C3orf33: variants seen among roughly 807,000 people sequenced by gnomAD.
C3orf33 encodes mitochondrial inner membrane subdomain organizer 1.
A neutral mutation model predicts 28.7 loss-of-function variants in C3orf33; 23 were observed. The ratio of observed to expected loss-of-function variants is 0.80; its 90% confidence interval spans 0.58 to 1.13. C3orf33 has a LOEUF of 1.13. Ranked by LOEUF, C3orf33 falls within the 50% of genes most tolerant of loss-of-function variation. The pLI, the probability that C3orf33 is intolerant of heterozygous loss-of-function variation, is 0.00. For missense variants in C3orf33, 327 were observed against 353.4 expected (o/e 0.93, Z 0.60); for synonymous variants, 119 against 120.5 (o/e 0.99, Z 0.08).
chr3:155,788,631 G>A (rs116547768), intron 2 of C3orf33, among the ~76,000 whole-genome samples: 2,486 of 149,514 alleles, frequency 0.017, 49 homozygotes, highest in African/African-American at 0.059. Flanking sequence ...GCAGTGAGCC[G>A]AAATCGCAGC....
rs200327612 is a variant in C3orf33, at chr3:155,763,530, C to T, written c.872G>A (p.Arg291His). 94 of 1,505,100 alleles carry T rather than the reference C, an allele frequency of 6.2e-5. No homozygotes were observed. Among genetic ancestry groups the T allele is most frequent in the South Asian group, 2.0e-4 (14 of 70,348 alleles). 93.2% of individuals were successfully genotyped at this position (1,505,100 alleles called of 1,614,324 possible). The change falls in exon 5 of 5, where the codon CGT becomes CAT. Residue 291 changes from arginine (R) to histidine (H), a missense_variant. Arg to His is a conservative substitution (Grantham distance 29). Coordinates refer to ENST00000340171, the MANE Select transcript of C3orf33 (RefSeq NM_001308229.2). Reference sequence around the variant, plus strand: ...TTCTTGACCGTTTCACCCTTTTCTACGAAAGTTTATGCGACTTATAAGTTC... The same window carrying T: ...TTCTTGACCGTTTCACCCTTTTCTATGAAAGTTTATGCGACTTATAAGTTC... ...FRELISRINF[R>H]RKG
intron 2 of C3orf33, among the ~76,000 whole-genome samples, chr3:155,790,919 C>T (rs150488584): frequency 2.4e-4 from 36 of 152,256 alleles, no homozygotes; most frequent in African/African-American, 7.9e-4. Context: ...CTAGGCAAAT[C>T]CTGGTGCCGT....
At chr3:155,776,599 C>A (rs1230954458) in intron 2 of C3orf33, among the ~76,000 whole-genome samples, 2 of 151,466 alleles carry the variant, frequency 1.3e-5, no homozygotes, top group African/African-American at 4.9e-5. Context: ...GCCTGGGCAA[C>A]AATAGCAAGA....
At chr3:155,773,847 T>G (rs747318290) in intron 3 of C3orf33, among the ~76,000 whole-genome samples, 3 of 152,232 alleles carry the variant, frequency 2.0e-5, no homozygotes, top group Non-Finnish European at 4.4e-5. Context: ...ACCTGTGAAG[T>G]GTAAATCCTG....
intron 2 of C3orf33, among the ~76,000 whole-genome samples, chr3:155,794,922 A>G (rs2109276966): frequency 6.6e-6 from 1 of 152,346 alleles, no homozygotes; most frequent in South Asian, 2.1e-4. Context: ...AATTAATATT[A>G]GAGCTAGAGC....
At position 155,775,765 on chromosome 3, in the gene C3orf33, T is replaced by C. The variant is rs772926722; in HGVS notation, c.258A>G (p.Ile86Met). 1.9e-6 allele frequency: 3 copies of C among 1,592,766 alleles called. No individual in the cohort carries two copies. The African/African-American group carries it at 4.0e-5, about 21-fold the overall frequency. ...NVKLRGRLRR[I>M]TENGLEIEHI... ...GTTCAATTTCTAAACCATTCTCAGT[T>C]ATTCGGCGTAATCGTCCACGTAGTT... is the stretch of plus-strand genomic sequence containing the variant. The change falls in exon 3 of 5, where the codon ATA becomes ATG. Residue 86 changes from isoleucine (I) to methionine (M), a missense_variant. Ile to Met is a conservative substitution (Grantham distance 10). Coordinates refer to ENST00000340171, the MANE Select transcript of C3orf33 (RefSeq NM_001308229.2).
At chr3:155,764,752 A>C (rs2109247669) in intron 4 of C3orf33, among the ~76,000 whole-genome samples, 1 of 152,142 alleles carries the variant, frequency 6.6e-6, no homozygotes, top group Non-Finnish European at 1.5e-5. Flanking sequence ...GCCACTCAGA[A>C]GGCTGAGGCA....
intron 2 of C3orf33, among the ~76,000 whole-genome samples, chr3:155,790,163 CAAAAAAAAAAAA>C (rs35285462): frequency 2.8e-4 from 11 of 38,692 alleles, no homozygotes; most frequent in South Asian, 1.3e-3. Flanking sequence ...AACTCTGTCT[CAAAAAAAAAAAA>C]AAAAAAAAAA....
At chr3:155,800,045 A>G (rs2109281501) in intron 2 of C3orf33, among the ~76,000 whole-genome samples, 1 of 152,304 alleles carries the variant, frequency 6.6e-6, no homozygotes, top group Admixed American at 6.5e-5. Flanking sequence ...AATTTATTGT[A>G]CATTTTAAAA....
At position 155,806,241 on chromosome 3, in the gene C3orf33, C is replaced by A; in HGVS notation, c.12G>T (p.Gln4His). MAG[Q>H]PAATGSPSAD... The stretch of plus-strand genomic sequence containing the variant: ...CAGACGGCGAGCCGGTGGCCGCGGG[C>A]TGCCCCGCCATGTTCCCGGCCTCCT... Residue 4 changes from glutamine (Q) to histidine (H), a missense_variant, in exon 1 of 5, where the codon CAG becomes CAT. Coordinates refer to ENST00000340171, the MANE Select transcript of C3orf33 (RefSeq NM_001308229.2). 1.4e-6 allele frequency: 2 copies of A among 1,461,102 alleles called. No individual in the cohort carries two copies. The highest frequency in any genetic ancestry group is 2.1e-5 in the Admixed American group (1 of 47,296). The allele number at this position is 1,461,102 out of a possible 1,614,324, so 90.5% of individuals were successfully genotyped here. A position where few individuals can be genotyped will look rare whatever the true frequency, so the allele number is the denominator to read the frequency against.
rs1169598283 is a variant in C3orf33, at chr3:155,767,677, G to A, written c.323-8C>T. The A allele has an allele frequency of 4.0e-6, 6 of 1,505,090 alleles. No homozygotes were observed. Among genetic ancestry groups the A allele is most frequent in the Non-Finnish European group, 4.5e-6 (5 of 1,116,880 alleles). 93.2% of individuals were successfully genotyped at this position (1,505,090 alleles called of 1,614,324 possible). On this transcript the variant is annotated splice_region_variant and splice_polypyrimidine_tract_variant and intron_variant, in intron 3 of 4. Coordinates refer to ENST00000340171, the MANE Select transcript of C3orf33 (RefSeq NM_001308229.2). ...AAGCACCACGTGGCTCTTCTAAAAA[G>A]GTTAGGTAGAAAAGAGTTTAGCTTT...
intron 2 of C3orf33, among the ~76,000 whole-genome samples, chr3:155,797,727 T>C (rs1355010997): frequency 6.6e-6 from 1 of 152,154 alleles, no homozygotes; most frequent in African/African-American, 2.4e-5. Flanking sequence ...TAAAATTAAA[T>C]ACCTAGGAAT....
intron 2 of C3orf33, among the ~76,000 whole-genome samples, chr3:155,785,184 TATAA>T (rs1464270900): frequency 6.6e-6 from 1 of 151,970 alleles, no homozygotes; most frequent in African/African-American, 2.4e-5. Flanking sequence ...CCATAATAAT[TATAA>T]ATATTTATGT....
chr3:155,773,386 A>G (rs899902117), intron 3 of C3orf33, among the ~76,000 whole-genome samples: 8 of 152,222 alleles, frequency 5.3e-5, no homozygotes, highest in Admixed American at 2.0e-4. Flanking sequence ...TAAGACATTT[A>G]ACATCTGTTT....
intron 3 of C3orf33, among the ~76,000 whole-genome samples, chr3:155,769,052 C>T (rs931988297): frequency 6.6e-6 from 1 of 152,170 alleles, no homozygotes; most frequent in African/African-American, 2.4e-5. Context: ...GTGGCTCACA[C>T]CTGTAATCCC....
At position 155,802,507 on chromosome 3, in the gene C3orf33, A is replaced by G; in HGVS notation, c.174+25T>C. The G allele has an allele frequency of 1.9e-6, 3 of 1,575,048 alleles. No homozygotes were observed. In the Admixed American group the frequency reaches 5.2e-5, roughly 27 times the overall value. ...AATAAACTACCTACGGCTTGTTGTA[A>G]TGTCTTTTTCATTTTTTAACTTACC... is the stretch of plus-strand genomic sequence containing the variant. On this transcript the variant is annotated intron_variant, in intron 2 of 4. Coordinates refer to ENST00000340171, the MANE Select transcript of C3orf33 (RefSeq NM_001308229.2).
rs150046353 is a variant in C3orf33 at position 155,774,593 on chromosome 3, C to A, written c.322+1108G>T. Among the ~76,000 whole-genome samples the A allele has an allele frequency of 6.3e-3, 953 of 151,858 alleles. 16 individuals are homozygous for A. The highest frequency in any genetic ancestry group is 0.022 in the African/African-American group (922 of 41,390). The stretch of plus-strand genomic sequence containing the variant: ...CAGTCTGCAGCCTGTGGGCCACATG[C>A]AGCCCAGGATGGCTTTGAATATGTC... On this transcript the variant is annotated intron_variant, in intron 3 of 4. Coordinates refer to ENST00000340171, the MANE Select transcript of C3orf33 (RefSeq NM_001308229.2).
Position 155,767,514 on chromosome 3 carries a change from T to G in C3orf33, c.478A>C (p.Ser160Arg). ...NSALFCYLLV[S>R]KGGYFSVNLN... Reference sequence around the variant, plus strand: ...TATTTCTTCACATTGCTTACCTTACTCACCAGAAGATAGCAAAAGAGTGCT... The same window carrying G: ...TATTTCTTCACATTGCTTACCTTACGCACCAGAAGATAGCAAAAGAGTGCT... The change falls in exon 4 of 5, where the codon AGT (serine) becomes CGT (arginine). Residue 160 changes from serine to arginine, a missense_variant. Ser to Arg is a moderately radical substitution (Grantham distance 110). Coordinates refer to ENST00000340171, the MANE Select transcript of C3orf33 (RefSeq NM_001308229.2). The G allele has an allele frequency of 6.5e-7, 1 of 1,545,584 alleles. No individual in the cohort carries two copies. The highest frequency in any genetic ancestry group is 2.3e-5 in the East Asian group (1 of 43,242).
At chr3:155,763,962 T>G in intron 4 of C3orf33, 44 bp from the exon 5 acceptor site, 5 of 1,260,574 alleles carry the variant, frequency 4.0e-6, no homozygotes, top group South Asian at 2.3e-5. Context: ...AAGATAATTG[T>G]TGTTATACCC....
Sources: allele counts gnomAD v4.1 joint callset (sites outside exome capture counted in the v4.1 genomes callset), GRCh38; gene constraint gnomAD v4.1.1; transcripts MANE v1.5; gene names NCBI Gene and HGNC (gene_info 2026-07-23, HGNC 2026-07-21).